The following CFAP77 variants were observed in gnomAD, a reference collection of about 807,000 sequenced individuals.
CFAP77 encodes the protein cilia and flagella associated protein 77, also known as cilia- and flagella-associated protein 77.
CFAP77 carries 25 observed loss-of-function variants against 31.1 expected under a neutral mutation model. The ratio of observed to expected loss-of-function variants is 0.80; its 90% CI spans 0.59 to 1.12. The LOEUF is 1.12. CFAP77 is among the 50% of genes most tolerant of loss of function. The pLI is 0.00. For missense variants in CFAP77, 377 were observed against 397.3 expected (o/e 0.95, Z 0.44); for synonymous variants, 151 against 159.9 (o/e 0.94, Z 0.42).
chr9:132,445,234 A>G (rs1850689260), intron 1 of CFAP77, among the ~76,000 whole-genome samples: 1 of 152,078 alleles, frequency 6.6e-6, no homozygotes, highest in South Asian at 2.1e-4. Flanking sequence ...TCAGCCTCCC[A>G]AAGTGCTGGG....
chr9:132,510,179 C>T (rs562013733), intron 3 of CFAP77, among the ~76,000 whole-genome samples: 2 of 152,284 alleles, frequency 1.3e-5, no homozygotes, highest in Admixed American at 1.3e-4. Flanking sequence ...CAGCTCGGTG[C>T]CAAGGTCAAC....
intron 1 of CFAP77, among the ~76,000 whole-genome samples, chr9:132,429,002 CATGTTGA>C (rs1850360470): frequency 6.6e-6 from 1 of 152,144 alleles, no homozygotes; most frequent in Admixed American, 6.5e-5. Flanking sequence ...TGTCACCCTG[CATGTTGA>C]ACTGGGGACC....
chr9:132,469,856 T>TTTTTTTTA (rs1851221896), intron 1 of CFAP77, among the ~76,000 whole-genome samples: 4 of 150,476 alleles, frequency 2.7e-5, no homozygotes, highest in South Asian at 2.1e-4. Flanking sequence ...TTTTTTTTTT[T>TTTTTTTTA]GAGATGGAGT....
At chr9:132,493,792 T>C (rs73556754) in intron 1 of CFAP77, among the ~76,000 whole-genome samples, 8,815 of 152,354 alleles carry the variant, frequency 0.058, 310 homozygotes, top group South Asian at 0.098. Context: ...ACCACACATG[T>C]GGTTGCCCAC....
chr9:132,476,449 G>T (rs1362861582), intron 1 of CFAP77, among the ~76,000 whole-genome samples: 1 of 152,102 alleles, frequency 6.6e-6, no homozygotes, highest in Non-Finnish European at 1.5e-5. Flanking sequence ...TGTAATAGGG[G>T]CACACAGGTG....
At chr9:132,556,419 C>T (rs1360439345) in intron 5 of CFAP77, among the ~76,000 whole-genome samples, 1 of 152,182 alleles carries the variant, frequency 6.6e-6, no homozygotes, top group Non-Finnish European at 1.5e-5. Context: ...AGGGAGGACC[C>T]CCTCCCCGGC....
chr9:132,470,354 A>G (rs1851234306), intron 1 of CFAP77, among the ~76,000 whole-genome samples: 1 of 152,118 alleles, frequency 6.6e-6, no homozygotes. Flanking sequence ...GTTGCGCCTT[A>G]GTAGAGGCCT....
At chr9:132,421,145 T>C (rs963125755) in intron 1 of CFAP77, among the ~76,000 whole-genome samples, 6 of 151,938 alleles carry the variant, frequency 3.9e-5, no homozygotes, top group Admixed American at 3.9e-4. Flanking sequence ...GTAGCTGGAA[T>C]TACAGGCGCC....
chr9:132,557,787 TCCTCCCCTTGCTCCAA>T (rs1473405725), intron 5 of CFAP77, among the ~76,000 whole-genome samples: 1 of 152,114 alleles, frequency 6.6e-6, no homozygotes, highest in Non-Finnish European at 1.5e-5. Flanking sequence ...CATCTCTGCA[TCCTCCCCTTGCTCCAA>T]CCTACCTGCT....
chr9:132,567,504 G>C (rs941084992), intron 5 of CFAP77, among the ~76,000 whole-genome samples: 4 of 152,304 alleles, frequency 2.6e-5, no homozygotes, highest in Admixed American at 6.5e-5. Context: ...CTTGGGGTAT[G>C]GGATGAGTGG....
chr9:132,428,245 A>G (rs1363545983), intron 1 of CFAP77, among the ~76,000 whole-genome samples: 1 of 151,900 alleles, frequency 6.6e-6, no homozygotes, highest in African/African-American at 2.4e-5. Context: ...CCTGGGCTCA[A>G]GCAATCCTCC....
At chr9:132,465,570 G>A (rs1851139509) in intron 1 of CFAP77, among the ~76,000 whole-genome samples, 1 of 152,204 alleles carries the variant, frequency 6.6e-6, no homozygotes, top group African/African-American at 2.4e-5. Flanking sequence ...CCAAGTTCAG[G>A]TGAGGGAGGC....
intron 1 of CFAP77, among the ~76,000 whole-genome samples, chr9:132,484,361 C>T (rs1451801494): frequency 6.6e-6 from 1 of 152,204 alleles, no homozygotes; most frequent in African/African-American, 2.4e-5. Context: ...AATTCCAAGA[C>T]ATTTCATCAC....
At chr9:132,428,354 C>T (rs896368508) in intron 1 of CFAP77, among the ~76,000 whole-genome samples, 1 of 151,860 alleles carries the variant, frequency 6.6e-6, no homozygotes, top group African/African-American at 2.4e-5. Flanking sequence ...GGCACAGTGG[C>T]TCACACCTGT....
chr9:132,499,979 C>T lies in CFAP77; in HGVS notation c.524+379C>T, dbSNP rs943763507. Among the ~76,000 whole-genome samples, 2 of 151,942 alleles carry T rather than the reference C, an allele frequency of 1.3e-5. No individual in the cohort carries two copies. The highest frequency in any genetic ancestry group is 1.3e-4 in the Admixed American group (2 of 15,260). On this transcript the variant is annotated intron_variant, in intron 3 of 5. Coordinates refer to ENST00000393216, the MANE Select transcript of CFAP77 (RefSeq NM_001282957.2). The surrounding 1 kb of genome is among the most constrained non-coding windows in gnomAD (Gnocchi z 5.4). ...CAGGCTGGTCAACGTGGCAAAACCCCGTCTCTACAAAAAAATTTTAAAAAT... is the reference window on the plus strand; with the variant it reads ...CAGGCTGGTCAACGTGGCAAAACCCTGTCTCTACAAAAAAATTTTAAAAAT...
intron 5 of CFAP77, among the ~76,000 whole-genome samples, chr9:132,561,724 G>C (rs1829813913): frequency 6.6e-6 from 1 of 150,962 alleles, no homozygotes; most frequent in Non-Finnish European, 1.5e-5. Flanking sequence ...GTGGACAAAA[G>C]GCTCAAGACA....
intron 1 of CFAP77, among the ~76,000 whole-genome samples, chr9:132,443,756 A>G (rs1480961759): frequency 6.6e-6 from 1 of 152,202 alleles, no homozygotes; most frequent in Non-Finnish European, 1.5e-5. Context: ...ATGGTCTGTA[A>G]GGCTAAAATT....
intron 1 of CFAP77, among the ~76,000 whole-genome samples, chr9:132,431,271 AAAAC>A (rs796803270): frequency 4.6e-4 from 70 of 152,370 alleles, no homozygotes; most frequent in African/African-American, 1.5e-3. Context: ...TCTTGCAAAC[AAAAC>A]AAACAAACAA....
chr9:132,537,546 G>T, intron 3 of CFAP77, 55 bp from the exon 4 acceptor site: 1 of 1,356,412 alleles, frequency 7.4e-7, no homozygotes, highest in South Asian at 1.3e-5. Flanking sequence ...GGTGGGGAGC[G>T]GGTGCCTCTG....
Sources: gnomAD v4.1 joint callset for allele counts (sites outside exome capture counted in the v4.1 genomes callset) on GRCh38, gnomAD v4.1.1 for gene constraint, Gnocchi (gnomAD v3.1) non-coding constraint, MANE v1.5 for transcripts, NCBI Gene and HGNC (gene_info 2026-07-23, HGNC 2026-07-21) for gene names.